The following PECAM1 variants were observed in gnomAD, a reference collection of about 807,000 sequenced individuals.
The protein encoded by PECAM1 is platelet and endothelial cell adhesion molecule 1.
Under a neutral mutation model 13.8 loss-of-function variants are expected in PECAM1, and 8 were observed. The observed-to-expected ratio is 0.58, with a 90% CI of 0.34 to 1.05. The LOEUF is 1.05. Among genes scored for constraint, PECAM1 ranks in the 50% least tolerant of loss-of-function variants. PECAM1 has a pLI of 0.03. For synonymous variants in PECAM1, 136 were observed against 52.6 expected (o/e 2.58, Z -6.86); for missense variants, 304 against 141.2 (o/e 2.15, Z -5.84).
chr17:64,333,361 A>G (rs1344887312), intron 14 of PECAM1, among the ~76,000 whole-genome samples: 2 of 152,028 alleles, frequency 1.3e-5, no homozygotes, highest in Admixed American at 1.3e-4. Flanking sequence ...TGGAGAGGAA[A>G]ACCAGCTCTC....
chr17:64,369,648 G>A (rs1322250458), intron 5 of PECAM1, 102 bp downstream of exon 5: 3 of 397,588 alleles, frequency 7.5e-6, no homozygotes, highest in Admixed American at 8.8e-5. Context: ...CAGATAAGCA[G>A]GGGCAGGAAA....
chr17:64,356,557 G>A (rs1199923743), intron 7 of PECAM1, among the ~76,000 whole-genome samples, 159 bp from the exon 8 acceptor site: 1 of 105,426 alleles, frequency 9.5e-6, no homozygotes, highest in Non-Finnish European at 2.1e-5. Flanking sequence ...TTACTGCAAC[G>A]TGTGCCTCCT....
chr17:64,363,444 C>T (rs1449246733), intron 5 of PECAM1, 47 bp from the exon 6 acceptor site: 5 of 474,276 alleles, frequency 1.1e-5, no homozygotes, highest in Non-Finnish European at 1.9e-5. Context: ...CTGGCCACCA[C>T]CCTAAAGACC....
chr17:64,360,292 G>A lies in PECAM1; in HGVS notation c.1340C>T (p.Thr447Ile), dbSNP rs2035943141. 2.1e-6 allele frequency: 1 copy of A among 475,210 alleles called. No individual in the cohort carries two copies. The highest frequency in any genetic ancestry group is 3.9e-6 in the Non-Finnish European group (1 of 259,054). 29.4% of individuals were successfully genotyped at this position (475,210 alleles called of 1,614,324 possible). A position where few individuals can be genotyped will look rare whatever the true frequency, so the allele number is the denominator to read the frequency against. ...GGTACTATTCTCCAAAACTTTACTT[G>A]TTTTTAAAAGTTGGTAAGAAATAGG... The part of the protein sequence containing the change: ...TLPISYQLLK[T>I]SKVLENSTKN... Residue 447 changes from threonine to isoleucine, a missense_variant, in exon 7 of 16, where the codon ACA becomes ATA. Coordinates refer to ENST00000563924, the MANE Select transcript of PECAM1 (RefSeq NM_000442.5).
chr17:64,381,784 T>C (rs2036486591), intron 2 of PECAM1, among the ~76,000 whole-genome samples: 2 of 152,310 alleles, frequency 1.3e-5, no homozygotes, highest in African/African-American at 4.8e-5. Context: ...AGAAGCCTGC[T>C]GGATGAGCTC....
Position 64,321,409 on chromosome 17 carries a change from C to G in PECAM1, c.*2407G>C, listed in dbSNP as rs2034808978. On this transcript the variant is annotated 3_prime_UTR_variant, in exon 16 of 16. Transcript: ENST00000563924. ...AAATCCACTAAGAAAGATCCCTGCG[C>G]ATGAAGTTTCCTCCTCGGAAATATA... is the stretch of plus-strand genomic sequence containing the variant. The G allele has an allele frequency of 1.0e-6, 1 of 984,840 alleles. No homozygotes were observed. 61.0% of individuals were successfully genotyped at this position (984,840 alleles called of 1,614,324 possible).
At chr17:64,355,246 C>T (rs1371702569) in intron 8 of PECAM1, among the ~76,000 whole-genome samples, 8 of 152,142 alleles carry the variant, frequency 5.3e-5, no homozygotes, top group Admixed American at 1.3e-4. Flanking sequence ...AAATAGAGGT[C>T]AGCTGTGGTC....
intron 14 of PECAM1, among the ~76,000 whole-genome samples, chr17:64,330,496 C>T (rs139144540): frequency 4.9e-4 from 74 of 151,964 alleles, no homozygotes; most frequent in African/African-American, 1.5e-3. Flanking sequence ...ATTAGCCAGG[C>T]GTGGTGGTGG....
At chr17:64,358,460 A>T (rs2035898174) in intron 7 of PECAM1, among the ~76,000 whole-genome samples, 1 of 152,092 alleles carries the variant, frequency 6.6e-6, no homozygotes, top group Admixed American at 6.6e-5. Flanking sequence ...CTTTTGGCTC[A>T]TGTGTTTGCT....
Position 64,370,217 on chromosome 17 carries a change from A to T in PECAM1, c.692-192T>A, listed in dbSNP as rs1359073956. ...TCCCTCCCTTCTCGCTCACTCTTGC[A>T]TCTTCAGGCTTCTTCACTGCAATTC... is the stretch of plus-strand genomic sequence containing the variant. On this transcript the variant is annotated intron_variant, in intron 4 of 15. Transcript: ENST00000563924. 13 of 382,822 alleles carry T rather than the reference A, an allele frequency of 3.4e-5. No homozygotes were observed. The East Asian group carries it at 4.5e-4, about 13-fold the overall frequency. 23.7% of individuals were successfully genotyped at this position (382,822 alleles called of 1,614,324 possible).
At chr17:64,331,194 A>G (rs1327562484) in intron 14 of PECAM1, among the ~76,000 whole-genome samples, 1 of 118,850 alleles carries the variant, frequency 8.4e-6, no homozygotes, top group Non-Finnish European at 1.7e-5. Flanking sequence ...AGCCCACACC[A>G]CCTTCTTTTT....
chr17:64,354,957 AT>A lies in PECAM1; in HGVS notation c.1863del (p.Lys621AsnfsTer5). ...VIIALLIIAA[K>X]CYFLRKAKAK... Reference sequence around the variant, plus strand: ...CCCTTGGCTTTCCTCAGAAAATAACATTTGGCCGCAATGATCAAGAGAGCAA... The same window carrying A: ...CCCTTGGCTTTCCTCAGAAAATAACATTGGCCGCAATGATCAAGAGAGCAA... On this transcript the variant is annotated frameshift_variant, in exon 9 of 16. Coordinates refer to ENST00000563924, the MANE Select transcript of PECAM1 (RefSeq NM_000442.5). LOFTEE classifies it high-confidence loss of function. 2.1e-6 allele frequency: 1 copy of A among 475,374 alleles called. No individual in the cohort carries two copies. Among genetic ancestry groups the A allele is most frequent in the Non-Finnish European group, 3.9e-6 (1 of 259,056 alleles). 29.4% of individuals were successfully genotyped at this position (475,374 alleles called of 1,614,324 possible). A position where few individuals can be genotyped will look rare whatever the true frequency, so the allele number is the denominator to read the frequency against.
intron 3 of PECAM1, chr17:64,377,523 A>AT: frequency 5.8e-6 from 1 of 172,212 alleles, no homozygotes. Context: ...AGGCAGGAGA[A>AT]TCGCTTGAAC....
chr17:64,342,542 C>T (rs1303591134), intron 13 of PECAM1, among the ~76,000 whole-genome samples: 1 of 152,162 alleles, frequency 6.6e-6, no homozygotes, highest in Non-Finnish European at 1.5e-5. Context: ...GCTGGGCTGG[C>T]TGTTTTCACT....
intron 14 of PECAM1, among the ~76,000 whole-genome samples, chr17:64,341,213 G>A (rs1198784013): frequency 6.6e-6 from 1 of 151,538 alleles, no homozygotes; most frequent in Non-Finnish European, 1.5e-5. Flanking sequence ...GCAGTGAGTC[G>A]AGATTGCACC....
At position 64,321,676 on chromosome 17, in the gene PECAM1, G is replaced by T; in HGVS notation, c.*2140C>A. On this transcript the variant is annotated 3_prime_UTR_variant, in exon 16 of 16. Transcript: ENST00000563924. The stretch of plus-strand genomic sequence containing the variant: ...CCCAGGAAGCTGAGATGGGAGGATC[G>T]CTTGAGCCCAGGGGTTCGAGGCTGC... The T allele has an allele frequency of 3.1e-6, 2 of 645,966 alleles. No individual in the cohort carries two copies. The highest frequency in any genetic ancestry group is 4.2e-6 in the Non-Finnish European group (2 of 477,970). 40.0% of individuals were successfully genotyped at this position (645,966 alleles called of 1,614,324 possible). A position where few individuals can be genotyped will look rare whatever the true frequency, so the allele number is the denominator to read the frequency against.
intron 13 of PECAM1, among the ~76,000 whole-genome samples, chr17:64,346,357 G>C (rs1327072764): frequency 6.6e-6 from 1 of 151,976 alleles, no homozygotes; most frequent in Non-Finnish European, 1.5e-5. Flanking sequence ...TTTTTTTTTA[G>C]ACGGAGTCTT....
intron 13 of PECAM1, among the ~76,000 whole-genome samples, chr17:64,342,293 C>T (rs1278019380): frequency 4.6e-5 from 7 of 152,284 alleles, no homozygotes; most frequent in African/African-American, 1.7e-4. Flanking sequence ...GATGGAGAGG[C>T]CCCCAGCAAG....
rs1455132533 is a variant in PECAM1, at chr17:64,363,462, G to C, written c.968-65C>G. 9.7e-5 allele frequency: 46 copies of C among 472,932 alleles called. 1 individual carries two copies. The highest frequency in any genetic ancestry group is 7.7e-4 in the African/African-American group (39 of 50,616). The allele number at this position is 472,932 out of a possible 1,614,324, so 29.3% of individuals were successfully genotyped here. On this transcript the variant is annotated intron_variant, in intron 5 of 15. Transcript: ENST00000563924. ...GCCACCACCCTAAAGACCCTTCCTG[G>C]AGAGGCCCTTGGCTCAGGTGCTCTT...
Sources: gnomAD v4.1 joint callset for allele counts (sites outside exome capture counted in the v4.1 genomes callset) on GRCh38, gnomAD v4.1.1 for gene constraint, MANE v1.5 for transcripts, NCBI Gene and HGNC (gene_info 2026-07-23, HGNC 2026-07-21) for gene names.